The following PUM1 variants were observed in gnomAD, a reference collection of about 807,000 sequenced individuals.
PUM1 encodes the protein pumilio RNA binding family member 1, also known as pumilio homolog 1.
In PUM1, 13 loss-of-function variants were observed where a neutral mutation model predicts 131.8. The ratio of observed to expected loss-of-function variants is 0.10; its 90% confidence interval spans 0.06 to 0.16. The LOEUF (loss-of-function observed/expected upper bound fraction) is 0.16. Among genes scored for constraint, PUM1 ranks in the 10% least tolerant of loss-of-function variants. The pLI, the probability that PUM1 is intolerant of heterozygous loss-of-function variation, is 1.00. For synonymous variants in PUM1, 509 were observed against 556.5 expected, an observed-to-expected ratio of 0.91 and a Z score of 1.20; for missense variants, 961 against 1,512.4, an observed-to-expected ratio of 0.64 and a Z score of 6.05.
At chr1:31,006,095 G>T in intron 4 of PUM1, 64 bp from the exon 5 acceptor site, 1 of 1,387,328 alleles carries the variant, frequency 7.2e-7, no homozygotes, top group Non-Finnish European at 9.7e-7. Flanking sequence ...TATGAGTGAT[G>T]TCTCATGGAT....
chr1:30,994,501 G>A (rs952466072), intron 6 of PUM1, among the ~76,000 whole-genome samples: 9 of 152,156 alleles, frequency 5.9e-5, no homozygotes, highest in African/African-American at 2.2e-4. Context: ...TGGAATGAGA[G>A]GCATCTGCAG....
chr1:30,983,984 G>A (rs543039495), intron 7 of PUM1, among the ~76,000 whole-genome samples: 3 of 152,276 alleles, frequency 2.0e-5, no homozygotes, highest in African/African-American at 7.2e-5. Context: ...TACATGGCAT[G>A]TGGGAATACC....
In PUM1 at chr1:30,950,623, G is replaced by A. The variant is rs543566732; in HGVS notation, c.2722-362C>T. ...ACCGGTAAACCCAGCACTTTGGGAG[G>A]CCAAGGAGGGTGGATCACCTGAGGT... On this transcript the variant is annotated intron_variant, in intron 16 of 21. Transcript: ENST00000426105. 2.1e-3 allele frequency among the ~76,000 whole-genome samples: 313 copies of A among 152,324 alleles called. 1 individual carries two copies. The highest frequency in any genetic ancestry group is 3.7e-3 in the Non-Finnish European group (252 of 68,018).
At chr1:31,003,288 A>G (rs971962508) in intron 5 of PUM1, among the ~76,000 whole-genome samples, 1 of 152,224 alleles carries the variant, frequency 6.6e-6, no homozygotes, top group African/African-American at 2.4e-5. Flanking sequence ...TAAATGACAG[A>G]CTAGACTTTA....
chr1:30,947,594 T>C (rs921521723), intron 17 of PUM1, among the ~76,000 whole-genome samples: 2 of 152,204 alleles, frequency 1.3e-5, no homozygotes, highest in African/African-American at 2.4e-5. Context: ...ATTAAATGCC[T>C]GCACCATGGC....
intron 2 of PUM1, 117 bp from the exon 3 acceptor site, chr1:31,028,981 T>C (rs570963795): frequency 1.9e-5 from 15 of 798,054 alleles, no homozygotes; most frequent in South Asian, 5.7e-5. Context: ...GCAAAGACAA[T>C]AGCAATGATC....
At chr1:31,031,885 CCTCT>C (rs5773334) in intron 2 of PUM1, among the ~76,000 whole-genome samples, 147,594 of 149,850 alleles carry the variant, frequency 0.98, 72,682 homozygotes, top group Middle Eastern at 1. Flanking sequence ...CTCCCCTGGC[CCTCT>C]CTCTCTCTCT....
intron 11 of PUM1, chr1:30,968,050 A>C: frequency 2.3e-6 from 1 of 436,382 alleles, no homozygotes; most frequent in South Asian, 2.0e-5. Context: ...CTTGTAAACT[A>C]GCTTGGCCAC....
At chr1:31,015,750 C>T (rs1418298811) in intron 3 of PUM1, among the ~76,000 whole-genome samples, 8 of 149,206 alleles carry the variant, frequency 5.4e-5, no homozygotes, top group African/African-American at 1.7e-4. Flanking sequence ...CTCAGCTCAC[C>T]GCAACCTCCG....
Position 31,026,357 on chromosome 1 carries a change from T to C in PUM1, c.432+2439A>G, listed in dbSNP as rs187340449. Among the ~76,000 whole-genome samples, 534 of 152,220 alleles carry C rather than the reference T, an allele frequency of 3.5e-3. 2 individuals are homozygous for C. Among genetic ancestry groups the C allele is most frequent in the Middle Eastern group, 0.014 (4 of 292 alleles). On this transcript the variant is annotated intron_variant, in intron 3 of 21. Transcript: ENST00000426105. ...AAAAAATTCTCTTAATCTGTACCTA[T>C]CCAAAGCCTAACTAAACTAGAAGAT...
At chr1:31,034,782 C>A (rs770095169) in intron 2 of PUM1, among the ~76,000 whole-genome samples, 7 of 152,128 alleles carry the variant, frequency 4.6e-5, no homozygotes, top group Non-Finnish European at 7.3e-5. Flanking sequence ...CATCTCCACA[C>A]CTACTTTTGT....
intron 3 of PUM1, among the ~76,000 whole-genome samples, chr1:31,025,667 T>C (rs1643196479): frequency 6.7e-6 from 1 of 148,170 alleles, no homozygotes; most frequent in Non-Finnish European, 1.5e-5. Flanking sequence ...GTGATTCTCC[T>C]GCCTCAGTCT....
chr1:31,027,938 A>C (rs1407881951), intron 3 of PUM1, among the ~76,000 whole-genome samples: 1 of 152,234 alleles, frequency 6.6e-6, no homozygotes, highest in Non-Finnish European at 1.5e-5. Context: ...AGATACACAA[A>C]AAATGAAATG....
chr1:31,002,437 C>T (rs1264099221), intron 5 of PUM1, among the ~76,000 whole-genome samples: 1 of 139,724 alleles, frequency 7.2e-6, no homozygotes, highest in African/African-American at 2.5e-5. Flanking sequence ...TCTCATTTCC[C>T]TGGGCACCAT....
intron 2 of PUM1, among the ~76,000 whole-genome samples, chr1:31,042,486 T>C (rs758446591): frequency 1.3e-5 from 2 of 152,154 alleles, no homozygotes; most frequent in Non-Finnish European, 2.9e-5. Flanking sequence ...GGAAAAAAGC[T>C]AAATAATTTC....
rs56936440 is a variant in PUM1 at position 30,999,606 on chromosome 1, C to CAAAAAA, written c.721-4392_721-4387dup. Among the ~76,000 whole-genome samples, 5 of 53,980 alleles carry CAAAAAA rather than the reference C, an allele frequency of 9.3e-5. 1 individual carries two copies. The highest frequency in any genetic ancestry group is 1.4e-4 in the African/African-American group (2 of 14,448). The allele number at this position is 53,980 out of a possible 152,430, so 35.4% of individuals were successfully genotyped here. The stretch of plus-strand genomic sequence containing the variant: ...TGGGTGACAGAGCAAGACTCTGTCT[C>CAAAAAA]AAAAAAAAAAAAAAAAAAAAAAAAA... On this transcript the variant is annotated intron_variant, in intron 5 of 21. Transcript: ENST00000426105.
At chr1:31,022,607 G>A (rs764208256) in intron 3 of PUM1, among the ~76,000 whole-genome samples, 3 of 152,082 alleles carry the variant, frequency 2.0e-5, no homozygotes, top group Non-Finnish European at 4.4e-5. Context: ...CTCCTATCTC[G>A]TTCCTCAAAG....
intron 7 of PUM1, among the ~76,000 whole-genome samples, chr1:30,988,502 AT>A (rs1201745103): frequency 6.6e-6 from 1 of 152,194 alleles, no homozygotes; most frequent in Admixed American, 6.5e-5. Context: ...CAAACCTACC[AT>A]TTGCAGCAAA....
chr1:30,941,298 A>G, intron 19 of PUM1, 26 bp from the exon 20 acceptor site: 1 of 1,601,036 alleles, frequency 6.2e-7, no homozygotes, highest in Non-Finnish European at 8.5e-7. Context: ...TAAGAGAAAT[A>G]AAATGTATGT....
Sources: allele counts gnomAD v4.1 joint callset (sites outside exome capture counted in the v4.1 genomes callset), GRCh38; gene constraint gnomAD v4.1.1; transcripts MANE v1.5; gene names NCBI Gene and HGNC (gene_info 2026-07-23, HGNC 2026-07-21).